CLUAP1: variants seen among roughly 807,000 people sequenced by gnomAD.
CLUAP1 encodes the protein clusterin-associated protein 1.
CLUAP1 carries 50 observed loss-of-function variants against 55.0 expected under a neutral mutation model. That is an observed-to-expected ratio of 0.91 (90% CI 0.72 to 1.15). CLUAP1 has a LOEUF of 1.15. Ranked by LOEUF, CLUAP1 falls within the 50% of genes most tolerant of loss-of-function variation. The probability of loss-of-function intolerance (pLI) is 0.00; values close to 1 mark genes in which losing one functional copy is unlikely to be tolerated. For synonymous variants in CLUAP1, 195 were observed against 175.4 expected, an observed-to-expected ratio of 1.11 and a Z score of -0.88; for missense variants, 530 against 507.6, an observed-to-expected ratio of 1.04 and a Z score of -0.42.
At chr16:3,531,969 G>A (rs116714300) in intron 10 of CLUAP1, among the ~76,000 whole-genome samples, 1 of 151,934 alleles carries the variant, frequency 6.6e-6, no homozygotes, top group Non-Finnish European at 1.5e-5. Flanking sequence ...ATCCCAAGTA[G>A]CTGGGGTTAC....
Position 3,522,480 on chromosome 16 carries a change from A to G in CLUAP1, c.714-678A>G, listed in dbSNP as rs142753817. Reference sequence around the variant, plus strand: ...CACCCGGCCAACAGTAGAACATTATACCCAAATAAGATAATAATATATATA... The same window carrying G: ...CACCCGGCCAACAGTAGAACATTATGCCCAAATAAGATAATAATATATATA... On this transcript the variant is annotated intron_variant, in intron 7 of 11. Coordinates refer to ENST00000576634, the MANE Select transcript of CLUAP1 (RefSeq NM_015041.3). Among the ~76,000 whole-genome samples the G allele has an allele frequency of 2.9e-3, 443 of 152,188 alleles. 1 individual carries two copies. The highest frequency in any genetic ancestry group is 4.8e-3 in the Non-Finnish European group (328 of 68,022).
chr16:3,502,733 GT>G (rs2037430530), intron 1 of CLUAP1, among the ~76,000 whole-genome samples: 1 of 152,124 alleles, frequency 6.6e-6, no homozygotes, highest in African/African-American at 2.4e-5. Context: ...CTCCCACATA[GT>G]TTTTAGAGAG....
intron 2 of CLUAP1, among the ~76,000 whole-genome samples, chr16:3,505,800 T>C (rs1184515803): frequency 6.6e-6 from 1 of 152,254 alleles, no homozygotes; most frequent in Non-Finnish European, 1.5e-5. Context: ...TGGCAGCTTT[T>C]TCTGTTAAGG....
At chr16:3,529,384 T>A (rs2038011352) in intron 9 of CLUAP1, among the ~76,000 whole-genome samples, 1 of 118,944 alleles carries the variant, frequency 8.4e-6, no homozygotes, top group African/African-American at 3.2e-5. Context: ...TATGTGTGTG[T>A]GTGTGTGTGT....
At chr16:3,510,461 G>A (rs1055846741) in intron 4 of CLUAP1, among the ~76,000 whole-genome samples, 11 of 152,154 alleles carry the variant, frequency 7.2e-5, no homozygotes, top group African/African-American at 2.2e-4. Flanking sequence ...AACCAGGAGC[G>A]ACACTCGTCA....
intron 5 of CLUAP1, chr16:3,515,307 T>C: frequency 2.3e-6 from 1 of 443,130 alleles, no homozygotes; most frequent in Non-Finnish European, 3.9e-6. Flanking sequence ...AAGGAGGACC[T>C]TGAGCTCTGG....
At chr16:3,514,430 G>A (rs2037691507) in intron 5 of CLUAP1, among the ~76,000 whole-genome samples, 1 of 152,164 alleles carries the variant, frequency 6.6e-6, no homozygotes, top group Non-Finnish European at 1.5e-5. Flanking sequence ...CCACAGGCAA[G>A]GCACTGAGCT....
chr16:3,536,439 A>G lies in CLUAP1; in HGVS notation c.*168A>G, dbSNP rs1364071300. On this transcript the variant is annotated 3_prime_UTR_variant, in exon 12 of 12. Coordinates refer to ENST00000576634, the MANE Select transcript of CLUAP1 (RefSeq NM_015041.3). ...TAGCCTCCTATGTTTGCATTCCATGAAGCTTAAATAAGAATTGAAGCAAAT... is the reference window on the plus strand; with the variant it reads ...TAGCCTCCTATGTTTGCATTCCATGGAGCTTAAATAAGAATTGAAGCAAAT... 14 of 614,064 alleles carry G rather than the reference A, an allele frequency of 2.3e-5. No homozygotes were observed. The East Asian group carries it at 3.7e-4, about 16-fold the overall frequency. The allele number at this position is 614,064 out of a possible 1,614,324, so 38.0% of individuals were successfully genotyped here.
chr16:3,530,720 C>T (rs990255862), intron 10 of CLUAP1, 45 bp downstream of exon 10: 6 of 1,483,178 alleles, frequency 4.0e-6, no homozygotes, highest in South Asian at 1.1e-5. Context: ...CGCCCTGTTT[C>T]ACAGAACACC....
Position 3,512,448 on chromosome 16 carries a change from T to A in CLUAP1, c.465T>A (p.Tyr155Ter). The A allele has an allele frequency of 6.2e-7, 1 of 1,614,068 alleles. No homozygotes were observed. Among genetic ancestry groups the A allele is most frequent in the Non-Finnish European group, 8.5e-7 (1 of 1,179,922 alleles). Reference protein sequence around the residue: ...SEITSKGASLYDLLGMEVELR... With the variant: ...SEITSKGASL ...TCACCTCCAAAGGAGCATCTCTGTA[T>A]GACTTGCTCGGCATGGAAGTAGAGT... Residue 155 changes from tyrosine to a stop codon, truncating the protein, a stop_gained, in exon 5 of 12, where the codon TAT becomes TAA. Coordinates refer to ENST00000576634, the MANE Select transcript of CLUAP1 (RefSeq NM_015041.3). LOFTEE classifies it high-confidence loss of function.
rs972725520 is a variant in CLUAP1 at position 3,538,279 on chromosome 16, C to G, written c.*2008C>G. 3.3e-5 allele frequency: 5 copies of G among 150,866 alleles called. No homozygotes were observed. Among genetic ancestry groups the G allele is most frequent in the African/African-American group, 1.2e-4 (5 of 41,082 alleles). The allele number at this position is 150,866 out of a possible 1,614,324, so 9.3% of individuals were successfully genotyped here. A position where few individuals can be genotyped will look rare whatever the true frequency, so the allele number is the denominator to read the frequency against. ...TTATTTCTGTCATTTTTGCTTTTTT[C>G]TCTTTCTTTTCCTAAATTTTATGTA... On this transcript the variant is annotated 3_prime_UTR_variant, in exon 12 of 12. Transcript: ENST00000576634.
At chr16:3,506,282 A>G in intron 2 of CLUAP1, 49 bp from the exon 3 acceptor site, 1 of 1,455,136 alleles carries the variant, frequency 6.9e-7, no homozygotes, top group Non-Finnish European at 9.7e-7. Context: ...TCTTTAGTAG[A>G]CTTTCTCCTT....
chr16:3,533,077 T>C, intron 11 of CLUAP1: 1 of 1,535,586 alleles, frequency 6.5e-7, no homozygotes, highest in Non-Finnish European at 8.7e-7. Context: ...CTCACTGTTC[T>C]TTCCATTCTC....
In CLUAP1 at chr16:3,506,355, G is replaced by A. The variant is rs756572948; in HGVS notation, c.159G>A (p.Pro53=). ...GATATGAGCCCCAGACTGACATCCCGCCTGACGTGGATACTGAACAGGACC... is the reference window on the plus strand; with the variant it reads ...GATATGAGCCCCAGACTGACATCCCACCTGACGTGGATACTGAACAGGACC... The part of the protein sequence containing the change: ...VKRYEPQTDI[P]PDVDTEQDRV... The change falls in exon 3 of 12, where the codon CCG becomes CCA. Residue 53 remains proline (P), a synonymous_variant. Transcript: ENST00000576634. 10 of 1,613,752 alleles carry A rather than the reference G, an allele frequency of 6.2e-6. No individual in the cohort carries two copies. Among genetic ancestry groups the A allele is most frequent in the African/African-American group, 4.0e-5 (3 of 74,848 alleles).
intron 2 of CLUAP1, among the ~76,000 whole-genome samples, chr16:3,505,464 A>C (rs1159845709): frequency 6.7e-6 from 1 of 149,772 alleles, no homozygotes; most frequent in Non-Finnish European, 1.5e-5. Context: ...CGGGAGGCGG[A>C]GCATGCAGTG....
chr16:3,518,955 G>A (rs182754656), intron 6 of CLUAP1, among the ~76,000 whole-genome samples: 1 of 152,294 alleles, frequency 6.6e-6, no homozygotes, highest in East Asian at 1.9e-4. Flanking sequence ...TGGAGGGGAA[G>A]CCCCACCTTG....
rs1180886023 is a variant in CLUAP1 at position 3,508,400 on chromosome 16, A to G, written c.331A>G (p.Lys111Glu). Residue 111 changes from lysine (K) to glutamate (E), a missense_variant, in exon 4 of 12, where the codon AAG becomes GAG. Coordinates refer to ENST00000576634, the MANE Select transcript of CLUAP1 (RefSeq NM_015041.3). ...TGTCCTTTATAATGCTATGAAGACCAAGGGGATGGAGGGCTCTGAAATAGT... is the reference window on the plus strand; with the variant it reads ...TGTCCTTTATAATGCTATGAAGACCGAGGGGATGGAGGGCTCTGAAATAGT... ...TSVLYNAMKT[K>E]GMEGSEIVEE... 1.3e-5 allele frequency: 21 copies of G among 1,601,432 alleles called. No homozygotes were observed. Among genetic ancestry groups the G allele is most frequent in the Non-Finnish European group, 1.7e-5 (20 of 1,177,064 alleles).
upstream of CLUAP1, among the ~76,000 whole-genome samples, chr16:3,499,292 C>T (rs1027496481): frequency 1.3e-5 from 2 of 152,334 alleles, no homozygotes; most frequent in African/African-American, 4.8e-5. Context: ...TTTCAGTGAG[C>T]CGAGATTGTG....
chr16:3,528,036 G>A lies in CLUAP1; in HGVS notation c.928+1552G>A, dbSNP rs1024399086. 5.3e-4 allele frequency among the ~76,000 whole-genome samples: 80 copies of A among 152,238 alleles called. 1 individual carries two copies. Among genetic ancestry groups the A allele is most frequent in the African/African-American group, 1.9e-3 (77 of 41,530 alleles). On this transcript the variant is annotated intron_variant, in intron 9 of 11. Coordinates refer to ENST00000576634, the MANE Select transcript of CLUAP1 (RefSeq NM_015041.3). The stretch of plus-strand genomic sequence containing the variant: ...GTCTTTTCTTTTATCTCTTTGTCTT[G>A]TGTCTTTATTTCTACAGTCTCTCAT...
Sources: allele counts gnomAD v4.1 joint callset (sites outside exome capture counted in the v4.1 genomes callset), GRCh38; gene constraint gnomAD v4.1.1; transcripts MANE v1.5; gene names NCBI Gene and HGNC (gene_info 2026-07-23, HGNC 2026-07-21).